LRP1B: variants seen among roughly 807,000 people sequenced by gnomAD.
The protein encoded by LRP1B is low-density lipoprotein receptor-related protein 1B.
A neutral mutation model predicts 556.6 loss-of-function variants in LRP1B; 217 were observed. The ratio of observed to expected loss-of-function variants is 0.39; its 90% CI spans 0.35 to 0.44. The LOEUF (loss-of-function observed/expected upper bound fraction) is 0.44. LRP1B is among the 20% of genes least tolerant of loss of function. LRP1B has a pLI of 1.00. For synonymous variants in LRP1B, 2,047 were observed against 1,865.8 expected, an observed-to-expected ratio of 1.10 and a Z score of -2.50; for missense variants, 5,053 against 5,620.8, an observed-to-expected ratio of 0.90 and a Z score of 3.23.
chr2:140,268,552 C>T (rs1238619638), intron 86 of LRP1B, among the ~76,000 whole-genome samples: 1 of 151,952 alleles, frequency 6.6e-6, no homozygotes, highest in African/African-American at 2.4e-5. Context: ...CAGGGCTACT[C>T]ATTATGACAC....
intron 1 of LRP1B, among the ~76,000 whole-genome samples, chr2:141,907,315 CAT>C (rs1407675079): frequency 2.0e-5 from 3 of 151,758 alleles, no homozygotes; most frequent in African/African-American, 4.8e-5. Flanking sequence ...TTCAATCATT[CAT>C]ATGTTTTACT....
In LRP1B at chr2:140,501,859, C is replaced by CT. The variant is rs1248594431; in HGVS notation, c.8677dup (p.Ser2893LysfsTer21). The stretch of plus-strand genomic sequence containing the variant: ...GCCATTTTTGCACATAAAAAATGAA[C>CT]TGTTGCATGACTGTTCTGGAAAAAA... On this transcript the variant is annotated frameshift_variant, in exon 55 of 91. Coordinates refer to ENST00000389484, the MANE Select transcript of LRP1B (RefSeq NM_018557.3). LOFTEE classifies it high-confidence loss of function. 1.2e-6 allele frequency: 2 copies of CT among 1,604,872 alleles called. No individual in the cohort carries two copies. The highest frequency in any genetic ancestry group is 1.7e-6 in the Non-Finnish European group (2 of 1,175,072).
intron 7 of LRP1B, among the ~76,000 whole-genome samples, chr2:141,088,844 G>C (rs905915873): frequency 5.3e-5 from 8 of 152,070 alleles, no homozygotes; most frequent in Admixed American, 5.2e-4. Flanking sequence ...ATTATGTTTT[G>C]CCTTTGCAAC....
intron 83 of LRP1B, among the ~76,000 whole-genome samples, chr2:140,303,638 TA>T (rs756626611): frequency 4.6e-5 from 7 of 152,102 alleles, no homozygotes; most frequent in Non-Finnish European, 8.8e-5. Context: ...TAATCTTCTA[TA>T]AAAAATATTA....
intron 32 of LRP1B, among the ~76,000 whole-genome samples, chr2:140,805,589 T>C (rs1448587058): frequency 6.6e-6 from 1 of 152,212 alleles, no homozygotes; most frequent in East Asian, 1.9e-4. Context: ...TAGCATAACT[T>C]CACAAATGAA....
At chr2:141,138,665 T>C (rs1701550508) in intron 7 of LRP1B, among the ~76,000 whole-genome samples, 1 of 151,880 alleles carries the variant, frequency 6.6e-6, no homozygotes, top group Non-Finnish European at 1.5e-5. Context: ...GAATTTATTG[T>C]TTGAAATATA....
chr2:141,254,177 C>G (rs1207934029), intron 4 of LRP1B, among the ~76,000 whole-genome samples: 1 of 152,048 alleles, frequency 6.6e-6, no homozygotes, highest in East Asian at 1.9e-4. Flanking sequence ...AATTATTAAC[C>G]TAACGTAGTT....
intron 1 of LRP1B, among the ~76,000 whole-genome samples, chr2:141,914,232 G>T (rs1410211365): frequency 6.6e-6 from 1 of 152,090 alleles, no homozygotes; most frequent in African/African-American, 2.4e-5. Context: ...TAGATAAAAG[G>T]ATATAAATGT....
At chr2:141,434,513 A>G (rs1680681294) in intron 3 of LRP1B, among the ~76,000 whole-genome samples, 1 of 152,186 alleles carries the variant, frequency 6.6e-6, no homozygotes, top group Admixed American at 6.5e-5. Context: ...GATTCTTTAA[A>G]GATTGTTTCC....
intron 2 of LRP1B, among the ~76,000 whole-genome samples, chr2:141,748,761 A>T (rs1264266825): frequency 6.6e-6 from 1 of 152,178 alleles, no homozygotes; most frequent in Non-Finnish European, 1.5e-5. Flanking sequence ...GCCTCTTCCA[A>T]AGCAGAAGGC....
chr2:140,439,163 G>A (rs916018005), intron 66 of LRP1B, among the ~76,000 whole-genome samples: 1 of 152,094 alleles, frequency 6.6e-6, no homozygotes, highest in African/African-American at 2.4e-5. Flanking sequence ...GAGAGAGTAG[G>A]CTGAAGGTGA....
intron 86 of LRP1B, among the ~76,000 whole-genome samples, chr2:140,257,471 T>A (rs1681746417): frequency 6.6e-6 from 1 of 152,140 alleles, no homozygotes; most frequent in African/African-American, 2.4e-5. Context: ...AGCTGCCCAA[T>A]ACACAACTAC....
chr2:141,403,769 T>C (rs1690529210), intron 3 of LRP1B, among the ~76,000 whole-genome samples: 2 of 152,298 alleles, frequency 1.3e-5, no homozygotes, highest in African/African-American at 4.8e-5. Flanking sequence ...TTTTATAATA[T>C]AGCGAATTCA....
Position 140,291,298 on chromosome 2 carries a change from T to TTATATA in LRP1B, c.12967+6504_12967+6509dup, listed in dbSNP as rs66596182. On this transcript the variant is annotated intron_variant, in intron 84 of 90. Transcript: ENST00000389484. ...AGATACCACTTCAAGAAATTTTATT[T>TTATATA]TATATATATATATATATATATTTTT... Among the ~76,000 whole-genome samples, 280 of 71,918 alleles carry TTATATA rather than the reference T, an allele frequency of 3.9e-3. 22 individuals are homozygous for TTATATA. Among genetic ancestry groups the TTATATA allele is most frequent in the Middle Eastern group, 0.033 (4 of 122 alleles). The allele number at this position is 71,918 out of a possible 152,430, so 47.2% of individuals were successfully genotyped here. A position where few individuals can be genotyped will look rare whatever the true frequency, so the allele number is the denominator to read the frequency against.
intron 11 of LRP1B, among the ~76,000 whole-genome samples, chr2:141,043,129 G>A (rs1698754039): frequency 6.6e-6 from 1 of 151,270 alleles, no homozygotes; most frequent in African/African-American, 2.4e-5. Context: ...CTTGAGTGCA[G>A]GAGGAGGAGG....
At chr2:141,390,348 A>G (rs918467965) in intron 3 of LRP1B, among the ~76,000 whole-genome samples, 8 of 152,324 alleles carry the variant, frequency 5.3e-5, no homozygotes, top group Admixed American at 2.0e-4. Context: ...CACTGCTGGT[A>G]GGAGACTAAA....
At chr2:140,361,665 C>T (rs1573845811) in intron 72 of LRP1B, among the ~76,000 whole-genome samples, 1 of 151,234 alleles carries the variant, frequency 6.6e-6, no homozygotes, top group Non-Finnish European at 1.5e-5. Context: ...TTACCTGAGT[C>T]TCTTCTGCCA....
intron 41 of LRP1B, among the ~76,000 whole-genome samples, chr2:140,630,766 T>G (rs1030026597): frequency 1.3e-5 from 2 of 152,218 alleles, no homozygotes; most frequent in South Asian, 2.1e-4. Context: ...ACTCAGCAAA[T>G]AACTTTACTA....
At chr2:140,983,000 C>T (rs541737931) in intron 17 of LRP1B, among the ~76,000 whole-genome samples, 5 of 151,970 alleles carry the variant, frequency 3.3e-5, no homozygotes, top group Non-Finnish European at 5.9e-5. Flanking sequence ...CTGTGTTAGC[C>T]GGAGGCAGTG....
Sources: allele counts gnomAD v4.1 joint callset (sites outside exome capture counted in the v4.1 genomes callset), GRCh38; gene constraint gnomAD v4.1.1; transcripts MANE v1.5; gene names NCBI Gene and HGNC (gene_info 2026-07-23, HGNC 2026-07-21).